Variants in INPP5D observed in about 807,000 individuals in gnomAD.
INPP5D encodes the protein phosphatidylinositol 3,4,5-trisphosphate 5-phosphatase 1.
A neutral mutation model predicts 122.9 loss-of-function variants in INPP5D; 33 were observed. That is an observed-to-expected ratio of 0.27 (90% confidence interval 0.20 to 0.36). The LOEUF (loss-of-function observed/expected upper bound fraction) is 0.36. INPP5D is among the 10% of genes least tolerant of loss of function. The pLI is 1.00. For missense variants in INPP5D, 1,053 were observed against 1,412.7 expected (o/e 0.75, Z 4.08); for synonymous variants, 584 against 576.2 (o/e 1.01, Z -0.19).
At chr2:233,161,089 T>G (rs1574775154) in intron 10 of INPP5D, among the ~76,000 whole-genome samples, 1 of 152,058 alleles carries the variant, frequency 6.6e-6, no homozygotes, top group South Asian at 2.1e-4. Flanking sequence ...TTATGGATGG[T>G]CTAGAATACT....
At chr2:233,161,082 T>C (rs2106292801) in intron 10 of INPP5D, among the ~76,000 whole-genome samples, 1 of 152,228 alleles carries the variant, frequency 6.6e-6, no homozygotes, top group African/African-American at 2.4e-5. Context: ...TTCTAGTTTA[T>C]GGATGGTCTA....
intron 9 of INPP5D, among the ~76,000 whole-genome samples, chr2:233,148,713 G>T (rs1466484987): frequency 6.6e-6 from 1 of 152,052 alleles, no homozygotes; most frequent in Non-Finnish European, 1.5e-5. Flanking sequence ...CATCTGGGTG[G>T]CCAATGGGTT....
At chr2:233,159,317 G>T (rs552301091) in intron 10 of INPP5D, among the ~76,000 whole-genome samples, 1 of 152,190 alleles carries the variant, frequency 6.6e-6, no homozygotes, top group Admixed American at 6.5e-5. Context: ...CTCATTCATT[G>T]TTCTCTGCCA....
rs77447729 is a variant in INPP5D at position 233,207,383 on chromosome 2, G to C, written c.*675G>C. On this transcript the variant is annotated 3_prime_UTR_variant, in exon 27 of 27. Transcript: ENST00000445964. The surrounding 1 kb of genome is among the most constrained non-coding windows in gnomAD (Gnocchi z 4.6). Reference sequence around the variant, plus strand: ...GCTAAAGTCCCGCGGGTTCCGGCATGGCTAGGCTGAGAGCAGGGATCTACC... The same window carrying C: ...GCTAAAGTCCCGCGGGTTCCGGCATCGCTAGGCTGAGAGCAGGGATCTACC... 0.019 allele frequency: 2,888 copies of C among 152,832 alleles called. 102 individuals carry two copies. The highest frequency in any genetic ancestry group is 0.066 in the African/African-American group (2,738 of 41,552). The allele number at this position is 152,832 out of a possible 1,614,324, so 9.5% of individuals were successfully genotyped here.
At chr2:233,061,072 G>A (rs545693905) in intron 1 of INPP5D, among the ~76,000 whole-genome samples, 2 of 152,328 alleles carry the variant, frequency 1.3e-5, no homozygotes, top group South Asian at 2.1e-4. Context: ...GTTGTTTGGC[G>A]AGCCAAGAAT....
chr2:233,198,268 G>A lies in INPP5D; in HGVS notation c.2867G>A (p.Cys956Tyr), dbSNP rs1376838960. 1 of 1,613,488 alleles carries A rather than the reference G, an allele frequency of 6.2e-7. No homozygotes were observed. Among genetic ancestry groups the A allele is most frequent in the South Asian group, 1.1e-5 (1 of 91,082 alleles). The change falls in exon 25 of 27, where the codon TGC becomes TAC. Residue 956 changes from cysteine to tyrosine, a missense_variant. This residue lies in a region of INPP5D where 417 missense variants were observed against 425.8 expected (regional missense o/e 0.98). Transcript: ENST00000445964. ...CCCAAGGACTCCCCGCTGGGGCCCT[G>A]CAGGGGAGAAAGTCCTCCGACACCT... ...QPPKDSPLGPCRGESPPTPPG... is the reference protein window; with the variant it reads ...QPPKDSPLGPYRGESPPTPPG...
chr2:233,182,238 C>G (rs75703185), intron 18 of INPP5D, among the ~76,000 whole-genome samples, 172 bp from the exon 19 acceptor site: 3 of 152,250 alleles, frequency 2.0e-5, no homozygotes, highest in African/African-American at 7.2e-5. Flanking sequence ...AGTGTCCACA[C>G]TGTCTTCCAC....
rs369600390 is a variant in INPP5D at position 233,198,273 on chromosome 2, G to A, written c.2872G>A (p.Gly958Arg). 2.5e-5 allele frequency: 40 copies of A among 1,613,370 alleles called. No individual in the cohort carries two copies. Among genetic ancestry groups the A allele is most frequent in the Non-Finnish European group, 3.3e-5 (39 of 1,179,890 alleles). Reference sequence around the variant, plus strand: ...GGACTCCCCGCTGGGGCCCTGCAGGGGAGAAAGTCCTCCGACACCTCCCGG... The same window carrying A: ...GGACTCCCCGCTGGGGCCCTGCAGGAGAGAAAGTCCTCCGACACCTCCCGG... Reference protein sequence around the residue: ...PKDSPLGPCRGESPPTPPGQP... With the variant: ...PKDSPLGPCRRESPPTPPGQP... Residue 958 changes from glycine (G) to arginine (R), a missense_variant, in exon 25 of 27, where the codon GGA becomes AGA. By Grantham distance (125) the Gly-to-Arg change is moderately radical. Transcript: ENST00000445964.
intron 6 of INPP5D, among the ~76,000 whole-genome samples, chr2:233,143,730 G>A (rs1207900580): frequency 1.3e-5 from 2 of 152,198 alleles, no homozygotes; most frequent in Non-Finnish European, 2.9e-5. Flanking sequence ...TTATTGGGAN[G>A]GGGAATGGTG....
intron 25 of INPP5D, among the ~76,000 whole-genome samples, chr2:233,199,400 G>A (rs979872944): frequency 1.4e-5 from 2 of 147,458 alleles, no homozygotes; most frequent in African/African-American, 5.0e-5. Flanking sequence ...GCCAGGTGTG[G>A]TGGTGCACGC....
chr2:233,126,437 T>A (rs1356571966), intron 4 of INPP5D, among the ~76,000 whole-genome samples: 1 of 152,070 alleles, frequency 6.6e-6, no homozygotes, highest in Non-Finnish European at 1.5e-5. Flanking sequence ...CGCCACCGGG[T>A]TGCTATGATA....
chr2:233,092,925 C>T (rs1049402826), intron 2 of INPP5D, among the ~76,000 whole-genome samples: 1 of 152,110 alleles, frequency 6.6e-6, no homozygotes, highest in Non-Finnish European at 1.5e-5. Flanking sequence ...ACACGTTGCC[C>T]CTGACAGGGC....
rs1691715538 is a variant in INPP5D, at chr2:233,082,397, C to G, written c.198+2999C>G. On this transcript the variant is annotated intron_variant, in intron 2 of 26. Transcript: ENST00000445964. The surrounding 1 kb of genome is among the most constrained non-coding windows in gnomAD (Gnocchi z 4.7). Reference sequence around the variant, plus strand: ...TCATGTTGAGGCAAAACCTCACAGTCTTTTCTGAGCTTAGCCACAGTTTCT... The same window carrying G: ...TCATGTTGAGGCAAAACCTCACAGTGTTTTCTGAGCTTAGCCACAGTTTCT... 6.6e-6 allele frequency among the ~76,000 whole-genome samples: 1 copy of G among 152,206 alleles called. No individual in the cohort carries two copies. The highest frequency in any genetic ancestry group is 2.4e-5 in the African/African-American group (1 of 41,444).
intron 2 of INPP5D, among the ~76,000 whole-genome samples, chr2:233,117,661 G>A (rs1420516764): frequency 1.3e-5 from 2 of 152,142 alleles, no homozygotes; most frequent in Non-Finnish European, 2.9e-5. Context: ...CCTATGCCCT[G>A]TCCCTACATG....
rs576128614 is a variant in INPP5D at position 233,183,957 on chromosome 2, A to C, written c.2162-451A>C. Among the ~76,000 whole-genome samples, 2 of 152,334 alleles carry C rather than the reference A, an allele frequency of 1.3e-5. No homozygotes were observed. Among genetic ancestry groups the C allele is most frequent in the East Asian group, 3.9e-4 (2 of 5,186 alleles). On this transcript the variant is annotated intron_variant, in intron 19 of 26. Transcript: ENST00000445964. The surrounding 1 kb of genome is among the most constrained non-coding windows in gnomAD (Gnocchi z 4.6). ...TAACTCTGTACAAATGAGCTTATGGAGTCCAGAGGAAGGAGTGGGGATAAC... is the reference window on the plus strand; with the variant it reads ...TAACTCTGTACAAATGAGCTTATGGCGTCCAGAGGAAGGAGTGGGGATAAC...
At chr2:233,150,199 G>C (rs1278215729) in intron 9 of INPP5D, among the ~76,000 whole-genome samples, 1 of 152,178 alleles carries the variant, frequency 6.6e-6, no homozygotes, top group Non-Finnish European at 1.5e-5. Flanking sequence ...ATCCCCACTT[G>C]TCATGGGAAG....
intron 6 of INPP5D, chr2:233,145,825 C>A: frequency 2.1e-6 from 1 of 468,752 alleles, no homozygotes; most frequent in South Asian, 1.7e-5. Flanking sequence ...GGAAGTAGGA[C>A]GGGAACACCA....
At chr2:233,161,902 G>C (rs1046151467) in intron 11 of INPP5D, 76 bp downstream of exon 11, 6 of 1,529,058 alleles carry the variant, frequency 3.9e-6, no homozygotes, top group Middle Eastern at 1.8e-4. Context: ...TCAAGGTGGG[G>C]TGGAGTGACG....
At chr2:233,180,506 A>G (rs1694756645) in intron 18 of INPP5D, among the ~76,000 whole-genome samples, 1 of 151,492 alleles carries the variant, frequency 6.6e-6, no homozygotes, top group Non-Finnish European at 1.5e-5. Flanking sequence ...GACCTCACTG[A>G]TTTCTTCTTG....
Sources: gnomAD v4.1 joint callset for allele counts (sites outside exome capture counted in the v4.1 genomes callset) on GRCh38, gnomAD v4.1.1 for gene constraint, gnomAD v4.1.1 regional missense constraint, Gnocchi (gnomAD v3.1) non-coding constraint, MANE v1.5 for transcripts, NCBI Gene and HGNC (gene_info 2026-07-23, HGNC 2026-07-21) for gene names.